DCC: variants seen among roughly 807,000 people sequenced by gnomAD.
DCC encodes netrin receptor DCC.
In DCC, 58 loss-of-function variants were observed where a neutral mutation model predicts 172.5. That is an observed-to-expected ratio of 0.34 (90% CI 0.27 to 0.42). The LOEUF (loss-of-function observed/expected upper bound fraction) is 0.42, where lower values mean the gene tolerates loss of function less well. DCC is among the 10% of genes least tolerant of loss of function. The pLI, the probability that DCC is intolerant of heterozygous loss-of-function variation, is 1.00. For missense variants in DCC, 1,740 were observed against 1,791.0 expected (o/e 0.97, Z 0.51); for synonymous variants, 709 against 644.5 (o/e 1.10, Z -1.52).
At chr18:53,276,152 T>C (rs948394250) in intron 12 of DCC, among the ~76,000 whole-genome samples, 5 of 152,146 alleles carry the variant, frequency 3.3e-5, no homozygotes, top group Non-Finnish European at 7.4e-5. Context: ...CTATCAACTT[T>C]GACATCTTCT....
At position 52,663,377 on chromosome 18, in the gene DCC, T is replaced by G. The variant is rs548786831; in HGVS notation, c.92-88677T>G. ...CTCAGGTGGTGCTAGAAGGGATGCTTCCAGATGACAGCTGAGTGGCAGTTT... is the reference window on the plus strand; with the variant it reads ...CTCAGGTGGTGCTAGAAGGGATGCTGCCAGATGACAGCTGAGTGGCAGTTT... On this transcript the variant is annotated intron_variant, in intron 1 of 28. Coordinates refer to ENST00000442544, the MANE Select transcript of DCC (RefSeq NM_005215.4). 1.4e-4 allele frequency among the ~76,000 whole-genome samples: 22 copies of G among 152,246 alleles called. No homozygotes were observed. The East Asian group carries it at 3.3e-3, about 23-fold the overall frequency.
chr18:52,737,404 T>A (rs546076553), intron 1 of DCC, among the ~76,000 whole-genome samples: 93 of 152,278 alleles, frequency 6.1e-4, no homozygotes, highest in African/African-American at 2.1e-3. Context: ...TAGACTGCAC[T>A]GCCTTTATTT....
chr18:52,887,988 G>A (rs773319549), intron 2 of DCC, among the ~76,000 whole-genome samples: 1 of 152,198 alleles, frequency 6.6e-6, no homozygotes, highest in Non-Finnish European at 1.5e-5. Flanking sequence ...CACTGAAAAT[G>A]CACTTTCAAT....
intron 1 of DCC, among the ~76,000 whole-genome samples, chr18:52,495,425 T>G (rs2030702915): frequency 1.3e-5 from 2 of 152,144 alleles, no homozygotes; most frequent in South Asian, 4.1e-4. Context: ...AATTGTCAAA[T>G]GCCCCAAGAG....
intron 1 of DCC, among the ~76,000 whole-genome samples, chr18:52,644,985 T>A (rs1333874693): frequency 6.6e-6 from 1 of 152,174 alleles, no homozygotes; most frequent in Non-Finnish European, 1.5e-5. Context: ...TGAATACTGG[T>A]TTATCTCTTC....
At chr18:53,221,486 C>T (rs2055931914) in intron 12 of DCC, among the ~76,000 whole-genome samples, 1 of 152,104 alleles carries the variant, frequency 6.6e-6, no homozygotes, top group South Asian at 2.1e-4. Context: ...TGTTTTCTTA[C>T]CCAACTGTGA....
At chr18:53,050,324 C>T (rs2042317926) in intron 5 of DCC, among the ~76,000 whole-genome samples, 1 of 151,958 alleles carries the variant, frequency 6.6e-6, no homozygotes. Context: ...ATATTTTTTG[C>T]ATCCTTCAAT....
chr18:53,485,056 T>C (rs1459701086), intron 25 of DCC, among the ~76,000 whole-genome samples: 1 of 151,904 alleles, frequency 6.6e-6, no homozygotes, highest in African/African-American at 2.4e-5. Flanking sequence ...GATGAACAAG[T>C]CTAGAGACCT....
chr18:53,160,473 A>G (rs1285664531), intron 8 of DCC, among the ~76,000 whole-genome samples: 2 of 152,154 alleles, frequency 1.3e-5, no homozygotes. Flanking sequence ...ACTTGCATCA[A>G]TGTTTTGCCT....
chr18:53,325,761 T>C (rs1157154483), intron 14 of DCC, among the ~76,000 whole-genome samples: 1 of 152,182 alleles, frequency 6.6e-6, no homozygotes, highest in East Asian at 1.9e-4. Context: ...GTTGTAATTA[T>C]TACAAAATAT....
intron 1 of DCC, among the ~76,000 whole-genome samples, chr18:52,590,014 T>C (rs2033763260): frequency 6.6e-6 from 1 of 152,226 alleles, no homozygotes; most frequent in South Asian, 2.1e-4. Context: ...TAAAAAAAGA[T>C]ATACTTTCCA....
At chr18:53,181,689 A>G (rs2055199820) in intron 9 of DCC, among the ~76,000 whole-genome samples, 1 of 152,214 alleles carries the variant, frequency 6.6e-6, no homozygotes, top group South Asian at 2.1e-4. Flanking sequence ...ACACTGTTCC[A>G]GGCTGCATGA....
intron 1 of DCC, among the ~76,000 whole-genome samples, chr18:52,384,456 A>G (rs1985710940): frequency 6.6e-6 from 1 of 152,154 alleles, no homozygotes; most frequent in Non-Finnish European, 1.5e-5. Context: ...CTGTAACCAC[A>G]TTCCTGTGGA....
At chr18:53,224,259 T>C (rs2055989060) in intron 12 of DCC, among the ~76,000 whole-genome samples, 1 of 152,086 alleles carries the variant, frequency 6.6e-6, no homozygotes, top group African/African-American at 2.4e-5. Flanking sequence ...AGGATCAGCT[T>C]TGTGCACACT....
chr18:52,717,095 G>A lies in DCC; in HGVS notation c.92-34959G>A, dbSNP rs77425490. On this transcript the variant is annotated intron_variant, in intron 1 of 28. Transcript: ENST00000442544. Reference sequence around the variant, plus strand: ...ATCCTCTCCCTGCTGAGAACTGACCGCAAGAGGGCTCCTGGGAACAGAAGT... The same window carrying A: ...ATCCTCTCCCTGCTGAGAACTGACCACAAGAGGGCTCCTGGGAACAGAAGT... 4.3e-4 allele frequency among the ~76,000 whole-genome samples: 65 copies of A among 152,226 alleles called. No individual in the cohort carries two copies. The East Asian group carries it at 0.011, about 26-fold the overall frequency.
intron 7 of DCC, among the ~76,000 whole-genome samples, chr18:53,149,221 G>A (rs1357594085): frequency 6.6e-6 from 1 of 152,078 alleles, no homozygotes; most frequent in Non-Finnish European, 1.5e-5. Context: ...AACTGGACGA[G>A]CAGAAATAGG....
intron 2 of DCC, among the ~76,000 whole-genome samples, chr18:52,814,316 TAGC>T: frequency 6.6e-6 from 1 of 152,214 alleles, no homozygotes; most frequent in Non-Finnish European, 1.5e-5. Flanking sequence ...GAGATACCAG[TAGC>T]CTGACTCCTG....
intron 5 of DCC, among the ~76,000 whole-genome samples, chr18:53,036,480 A>G (rs898786898): frequency 1.3e-5 from 2 of 152,060 alleles, no homozygotes; most frequent in African/African-American, 4.8e-5. Context: ...ACACCTATGT[A>G]TATCTGATTT....
intron 13 of DCC, among the ~76,000 whole-genome samples, chr18:53,314,749 C>T (rs1568050225): frequency 2.0e-5 from 3 of 152,080 alleles, no homozygotes; most frequent in African/African-American, 7.2e-5. Flanking sequence ...AAATATAATA[C>T]TTCAAAGACA....
Sources: allele counts gnomAD v4.1 joint callset (sites outside exome capture counted in the v4.1 genomes callset), GRCh38; gene constraint gnomAD v4.1.1; transcripts MANE v1.5; gene names NCBI Gene and HGNC (gene_info 2026-07-23, HGNC 2026-07-21).